The following FHIP2B variants were observed in gnomAD, a reference collection of about 807,000 sequenced individuals.
The protein encoded by FHIP2B is FHF complex subunit HOOK interacting protein 2B, also known as FHF complex subunit HOOK-interacting protein 2B.
FHIP2B carries 72 observed loss-of-function variants against 84.0 expected under a neutral mutation model. The observed-to-expected ratio is 0.86, with a 90% CI of 0.71 to 1.04. The LOEUF (loss-of-function observed/expected upper bound fraction) is 1.04. Among genes scored for constraint, FHIP2B ranks in the 50% least tolerant of loss-of-function variants. The pLI is 0.00. For synonymous variants in FHIP2B, 497 were observed against 418.7 expected, an observed-to-expected ratio of 1.19 and a Z score of -2.28; for missense variants, 972 against 968.9, an observed-to-expected ratio of 1.00 and a Z score of -0.04.
At position 22,092,862 on chromosome 8, in the gene FHIP2B, A is replaced by G. The variant is rs568414899; in HGVS notation, c.46-1578A>G. Reference sequence around the variant, plus strand: ...ACCCCTGTTTTTCTGAGAGGTCACTACTTTCCACCTCTCCTGCGGCCTCAC... The same window carrying G: ...ACCCCTGTTTTTCTGAGAGGTCACTGCTTTCCACCTCTCCTGCGGCCTCAC... On this transcript the variant is annotated intron_variant, in intron 1 of 16. Transcript: ENST00000289921. 9.2e-5 allele frequency among the ~76,000 whole-genome samples: 14 copies of G among 152,190 alleles called. No individual in the cohort carries two copies. In the South Asian group the frequency reaches 2.3e-3, roughly 25 times the overall value.
At chr8:22,101,266 G>T in intron 12 of FHIP2B, 174 bp from the exon 13 acceptor site, 1 of 642,364 alleles carries the variant, frequency 1.6e-6, no homozygotes, top group Non-Finnish European at 2.7e-6. Flanking sequence ...CAGGTGATCC[G>T]CCCACCTCAG....
intron 2 of FHIP2B, chr8:22,095,316 T>G (rs921917266): frequency 2.6e-5 from 4 of 152,332 alleles, no homozygotes; most frequent in African/African-American, 9.6e-5. Flanking sequence ...CAGTTGGCAT[T>G]GGACCTGGAG....
chr8:22,093,997 G>A (rs963587585), intron 1 of FHIP2B, among the ~76,000 whole-genome samples: 7 of 152,110 alleles, frequency 4.6e-5, no homozygotes, highest in African/African-American at 1.2e-4. Context: ...GCTTACAGGC[G>A]TGAGCCACTG....
chr8:22,101,952 G>T, intron 14 of FHIP2B, 101 bp downstream of exon 14: 1 of 1,518,290 alleles, frequency 6.6e-7, no homozygotes, highest in Non-Finnish European at 8.8e-7. Flanking sequence ...CGGTTCTTTG[G>T]TGCCACCCCT....
intron 1 of FHIP2B, among the ~76,000 whole-genome samples, chr8:22,094,111 G>C (rs1825641290): frequency 6.6e-6 from 1 of 152,078 alleles, no homozygotes; most frequent in Admixed American, 6.6e-5. Context: ...TAACCATGCT[G>C]TGTTGAAATA....
rs930157358 is a variant in FHIP2B, at chr8:22,103,336, G to A, written c.*405G>A. 2.2e-5 allele frequency: 4 copies of A among 178,178 alleles called. No individual in the cohort carries two copies. Among genetic ancestry groups the A allele is most frequent in the African/African-American group, 7.1e-5 (3 of 42,320 alleles). 11.0% of individuals were successfully genotyped at this position (178,178 alleles called of 1,614,324 possible). On this transcript the variant is annotated 3_prime_UTR_variant, in exon 17 of 17. Transcript: ENST00000289921. The stretch of plus-strand genomic sequence containing the variant: ...CGAGACTGGTCAGGAGCCCAGGCCA[G>A]TGAGATGGGGCCTGGAGCCTTGTCT...
chr8:22,099,993 C>A, intron 10 of FHIP2B, 100 bp downstream of exon 10: 1 of 1,248,478 alleles, frequency 8.0e-7, no homozygotes, highest in Non-Finnish European at 1.1e-6. Context: ...GTTGACTCCA[C>A]CTTTGAGACA....
chr8:22,101,022 A>G (rs1586343890), intron 12 of FHIP2B, 50 bp downstream of exon 12: 1 of 1,558,954 alleles, frequency 6.4e-7, no homozygotes, highest in Non-Finnish European at 8.7e-7. Context: ...ATTTTATTTT[A>G]TTTTATTTTT....
chr8:22,090,559 A>G (rs182952564), intron 1 of FHIP2B, among the ~76,000 whole-genome samples: 5 of 152,214 alleles, frequency 3.3e-5, no homozygotes, highest in Non-Finnish European at 7.3e-5. Flanking sequence ...CCTCTGGGGA[A>G]CACTCCATTT....
At position 22,100,687 on chromosome 8, in the gene FHIP2B, C is replaced by T. The variant is rs770919898; in HGVS notation, c.1435C>T (p.Arg479Cys). ...CCTGGTCCTGCGCAACCTTGAGGGC[C>T]GCCCTTACGTGGCCTGGGGCTCACC... is the stretch of plus-strand genomic sequence containing the variant. ...HSLVLRNLEGRPYVAWGSPEP... is the reference protein window; with the variant it reads ...HSLVLRNLEGCPYVAWGSPEP... Residue 479 changes from arginine to cysteine, a missense_variant, in exon 11 of 17, where the codon CGC becomes TGC. Physicochemically the swap from Arg to Cys is radical, Grantham distance 180 (BLOSUM62 -3). Coordinates refer to ENST00000289921, the MANE Select transcript of FHIP2B (RefSeq NM_022749.7). 1.1e-5 allele frequency: 17 copies of T among 1,606,640 alleles called. No individual in the cohort carries two copies. The highest frequency in any genetic ancestry group is 1.7e-4 in the Middle Eastern group (1 of 6,050).
intron 8 of FHIP2B, 108 bp downstream of exon 8, chr8:22,099,164 G>C (rs1825959978): frequency 6.7e-7 from 1 of 1,502,180 alleles, no homozygotes; most frequent in Admixed American, 2.0e-5. Flanking sequence ...CAGGAGCTAA[G>C]CGGGGCCCCA....
At position 22,096,529 on chromosome 8, in the gene FHIP2B, C is replaced by T; in HGVS notation, c.297+20C>T. On this transcript the variant is annotated intron_variant, in intron 3 of 16. Transcript: ENST00000289921. ...GCCGAGGTGGGAGGCCCTCTGCGCG[C>T]TGGGCCAGGCCGAGGTGGGAGGCCT... 1 of 1,501,586 alleles carries T rather than the reference C, an allele frequency of 6.7e-7. No homozygotes were observed. Among genetic ancestry groups the T allele is most frequent in the Non-Finnish European group, 8.9e-7 (1 of 1,119,974 alleles). The allele number at this position is 1,501,586 out of a possible 1,614,324, so 93.0% of individuals were successfully genotyped here. A position where few individuals can be genotyped will look rare whatever the true frequency, so the allele number is the denominator to read the frequency against.
rs374043384 is a variant in FHIP2B at position 22,099,875 on chromosome 8, T to C, written c.1323T>C (p.Cys441=). The C allele has an allele frequency of 3.7e-6, 6 of 1,611,456 alleles. No homozygotes were observed. Among genetic ancestry groups the C allele is most frequent in the Non-Finnish European group, 5.1e-6 (6 of 1,179,064 alleles). The change falls in exon 10 of 17, where the codon TGT becomes TGC. Residue 441 remains cysteine (C), a synonymous_variant. Transcript: ENST00000289921. ...HTLYAHLIGH[C]DHLSDEISIT... ...TGTATGCTCATCTCATCGGGCATTG[T>C]GACCACCTCTCTGATGAGGTACAGT...
Position 22,098,216 on chromosome 8 carries a change from T to C in FHIP2B, c.674T>C (p.Leu225Ser). ...GGGGAGTCCTGTGGGGCCCAGGCCT[T>C]GAACAGCCACATGCCTGCTGAGACC... Reference protein sequence around the residue: ...LDGESCGAQALNSHMPAETEE... With the variant: ...LDGESCGAQASNSHMPAETEE... The change falls in exon 6 of 17, where the codon TTG (leucine) becomes TCG (serine). Residue 225 changes from leucine (L) to serine (S), a missense_variant. Leu to Ser is a moderately radical substitution (Grantham distance 145). Coordinates refer to ENST00000289921, the MANE Select transcript of FHIP2B (RefSeq NM_022749.7). 1 of 1,586,232 alleles carries C rather than the reference T, an allele frequency of 6.3e-7. No individual in the cohort carries two copies. Among genetic ancestry groups the C allele is most frequent in the Non-Finnish European group, 8.6e-7 (1 of 1,167,016 alleles).
At chr8:22,090,149 A>AGGGGG (rs1363405038) in intron 1 of FHIP2B, among the ~76,000 whole-genome samples, 1 of 24,558 alleles carries the variant, frequency 4.1e-5, no homozygotes, top group Non-Finnish European at 7.3e-5. Flanking sequence ...TATTCCCGGT[A>AGGGGG]GGGTGGGGGG....
chr8:22,098,407 T>C lies in FHIP2B; in HGVS notation c.769-16T>C, dbSNP rs750530831. The stretch of plus-strand genomic sequence containing the variant: ...GCTCACATGCATGTCCCTGAAGTTG[T>C]ATCCTCATCCCCTAGAAGAGTCGGG... On this transcript the variant is annotated splice_polypyrimidine_tract_variant and intron_variant, in intron 6 of 16. Coordinates refer to ENST00000289921, the MANE Select transcript of FHIP2B (RefSeq NM_022749.7). 9 of 1,572,826 alleles carry C rather than the reference T, an allele frequency of 5.7e-6. No homozygotes were observed. Among genetic ancestry groups the C allele is most frequent in the Non-Finnish European group, 6.1e-6 (7 of 1,156,156 alleles).
rs1463542895 is a variant in FHIP2B at position 22,089,283 on chromosome 8, G to GGAAGCCGTGGGGGCGGT, written c.33_45+4dup. 9.6e-7 allele frequency: 1 copy of GGAAGCCGTGGGGGCGGT among 1,040,816 alleles called. No individual in the cohort carries two copies. The highest frequency in any genetic ancestry group is 1.2e-6 in the Non-Finnish European group (1 of 867,634). The allele number at this position is 1,040,816 out of a possible 1,614,324, so 64.5% of individuals were successfully genotyped here. A position where few individuals can be genotyped will look rare whatever the true frequency, so the allele number is the denominator to read the frequency against. On this transcript the variant is annotated frameshift_variant, in exon 1 of 17. Transcript: ENST00000289921. LOFTEE classifies it high-confidence loss of function. ...TGAGCCGGCTCGGGGCGCTGCTGCA[G>GGAAGCCGTGGGGGCGGT]GAAGCCGTGGGGGCGGTGAGGCCGG...
Position 22,103,017 on chromosome 8 carries a change from C to T in FHIP2B, c.*86C>T, listed in dbSNP as rs200838068. 3.6e-3 allele frequency: 5,345 copies of T among 1,488,340 alleles called. 14 individuals are homozygous for T. The highest frequency in any genetic ancestry group is 4.1e-3 in the Non-Finnish European group (4,505 of 1,109,108). 92.2% of individuals were successfully genotyped at this position (1,488,340 alleles called of 1,614,324 possible). On this transcript the variant is annotated 3_prime_UTR_variant, in exon 17 of 17. Coordinates refer to ENST00000289921, the MANE Select transcript of FHIP2B (RefSeq NM_022749.7). ...CTGGCACTGCCGCCACACTCCCCTC[C>T]TGGGATGGGGCTTCTGCTCCCGGGC...
intron 3 of FHIP2B, chr8:22,097,121 C>A (rs541922951): frequency 3.8e-6 from 1 of 260,168 alleles, no homozygotes; most frequent in Admixed American, 4.8e-5. Context: ...AATAATGACC[C>A]AGTCATGGAG....
Sources: gnomAD v4.1 joint callset for allele counts (sites outside exome capture counted in the v4.1 genomes callset) on GRCh38, gnomAD v4.1.1 for gene constraint, MANE v1.5 for transcripts, NCBI Gene and HGNC (gene_info 2026-07-23, HGNC 2026-07-21) for gene names.